The following CACNB4 variants were observed in gnomAD, a reference collection of about 807,000 sequenced individuals.
CACNB4 encodes voltage-dependent L-type calcium channel subunit beta-4.
Under a neutral mutation model 71.2 loss-of-function variants are expected in CACNB4, and 32 were observed. That is an observed-to-expected ratio of 0.45 (90% CI 0.34 to 0.60). The LOEUF (loss-of-function observed/expected upper bound fraction) is 0.60, where lower values mean the gene tolerates loss of function less well. CACNB4 is among the 20% of genes least tolerant of loss of function. The probability of loss-of-function intolerance (pLI) is 0.01; values close to 1 mark genes in which losing one functional copy is unlikely to be tolerated. For missense variants in CACNB4, 464 were observed against 647.9 expected (o/e 0.72, Z 3.08); for synonymous variants, 231 against 236.9 (o/e 0.97, Z 0.23).
In CACNB4 at chr2:152,098,850, C is replaced by T. The variant is rs1688435398; in HGVS notation, c.63+99G>A. 9.2e-7 allele frequency: 1 copy of T among 1,091,858 alleles called. No individual in the cohort carries two copies. The highest frequency in any genetic ancestry group is 1.3e-6 in the Non-Finnish European group (1 of 777,174). The allele number at this position is 1,091,858 out of a possible 1,614,324, so 67.6% of individuals were successfully genotyped here. ...GGGCCGCCGACTCCCGGGACTGGGGCCCCGCACGCCCGGCACGAAGGCGGG... is the reference window on the plus strand; with the variant it reads ...GGGCCGCCGACTCCCGGGACTGGGGTCCCGCACGCCCGGCACGAAGGCGGG... On this transcript the variant is annotated intron_variant, in intron 1 of 13. Coordinates refer to ENST00000539935, the MANE Select transcript of CACNB4 (RefSeq NM_000726.5). This position sits in a 1 kb window ranked among gnomAD's most constrained non-coding sequence, Gnocchi z 5.3.
intron 2 of CACNB4, among the ~76,000 whole-genome samples, chr2:152,050,582 G>A (rs761593938): frequency 5.9e-5 from 9 of 152,228 alleles, no homozygotes; most frequent in South Asian, 2.1e-4. Flanking sequence ...CCAGTGCAGC[G>A]GCTCACACCT....
At chr2:151,970,890 C>G (rs905544451) in intron 2 of CACNB4, 4 of 152,330 alleles carry the variant, frequency 2.6e-5, no homozygotes, top group African/African-American at 9.7e-5. Flanking sequence ...TAACTACCCT[C>G]CTGGACACCA....
At chr2:152,069,607 A>G (rs1263237277) in intron 2 of CACNB4, among the ~76,000 whole-genome samples, 2 of 151,724 alleles carry the variant, frequency 1.3e-5, no homozygotes, top group African/African-American at 4.8e-5. Context: ...CAAAGTAAAT[A>G]AATATAGAGA....
chr2:151,959,796 T>C (rs1220776281), intron 2 of CACNB4, among the ~76,000 whole-genome samples: 3 of 152,232 alleles, frequency 2.0e-5, no homozygotes, highest in Admixed American at 6.5e-5. Context: ...CAATATCATA[T>C]TTATCAACAT....
intron 2 of CACNB4, among the ~76,000 whole-genome samples, chr2:152,038,181 A>T (rs905435891): frequency 6.6e-6 from 1 of 152,216 alleles, no homozygotes; most frequent in Non-Finnish European, 1.5e-5. Context: ...TCAAAGCATC[A>T]AGGATGCTGG....
In CACNB4 at chr2:151,834,900, T is replaced by A. The variant is rs1035528454; in HGVS notation, c.*4219A>T. 4 of 151,892 alleles carry A rather than the reference T, an allele frequency of 2.6e-5. No homozygotes were observed. The highest frequency in any genetic ancestry group is 9.7e-5 in the African/African-American group (4 of 41,412). 9.4% of individuals were successfully genotyped at this position (151,892 alleles called of 1,614,324 possible). On this transcript the variant is annotated 3_prime_UTR_variant, in exon 14 of 14. Transcript: ENST00000539935. ...CATTCAAGGATGAGTTTTATATAATTTAAAAAAACACAACATGCAACATTG... is the reference window on the plus strand; with the variant it reads ...CATTCAAGGATGAGTTTTATATAATATAAAAAAACACAACATGCAACATTG...
At chr2:151,956,285 GAAACAGCCCAA>G (rs1290870555) in intron 2 of CACNB4, among the ~76,000 whole-genome samples, 32 of 152,314 alleles carry the variant, frequency 2.1e-4, no homozygotes, top group African/African-American at 7.5e-4. Context: ...CCACAAAGTG[GAAACAGCCCAA>G]ATGTCCATCA....
At chr2:151,895,096 CCACA>C (rs58504924) in intron 2 of CACNB4, among the ~76,000 whole-genome samples, 4,269 of 22,138 alleles carry the variant, frequency 0.19, 321 homozygotes, top group African/African-American at 0.25. Context: ...TCAAATAGCC[CCACA>C]CACACACACA....
Position 151,900,718 on chromosome 2 carries a change from T to G in CACNB4, c.148-17348A>C, listed in dbSNP as rs193183207. On this transcript the variant is annotated intron_variant, in intron 2 of 13. Coordinates refer to ENST00000539935, the MANE Select transcript of CACNB4 (RefSeq NM_000726.5). ...CACTGGGAAGATCTGCCTGAAAGTG[T>G]GAAAAACTGCAGTCAGAGAGACTGA... Among the ~76,000 whole-genome samples, 26 of 152,108 alleles carry G rather than the reference T, an allele frequency of 1.7e-4. No homozygotes were observed. In the East Asian group the frequency reaches 4.5e-3, roughly 26 times the overall value.
chr2:152,092,817 A>G (rs141365288), intron 2 of CACNB4, among the ~76,000 whole-genome samples: 58 of 151,796 alleles, frequency 3.8e-4, no homozygotes, highest in African/African-American at 1.3e-3. Context: ...AACCATATAT[A>G]CATTTACATA....
In CACNB4 at chr2:152,005,186, A is replaced by C. The variant is rs549422879; in HGVS notation, c.147+93144T>G. On this transcript the variant is annotated intron_variant, in intron 2 of 13. Coordinates refer to ENST00000539935, the MANE Select transcript of CACNB4 (RefSeq NM_000726.5). Reference sequence around the variant, plus strand: ...CCATTACTGGGTATCTACTCAAAGGAGAATGAATCTTTCTGCCATAAAGAC... The same window carrying C: ...CCATTACTGGGTATCTACTCAAAGGCGAATGAATCTTTCTGCCATAAAGAC... Among the ~76,000 whole-genome samples, 4 of 152,326 alleles carry C rather than the reference A, an allele frequency of 2.6e-5. No homozygotes were observed. The South Asian group carries it at 6.2e-4, about 24-fold the overall frequency.
At position 151,949,669 on chromosome 2, in the gene CACNB4, G is replaced by C. The variant is rs113675596; in HGVS notation, c.148-66299C>G. Among the ~76,000 whole-genome samples, 21 of 152,252 alleles carry C rather than the reference G, an allele frequency of 1.4e-4. 1 individual carries two copies. Among genetic ancestry groups the C allele is most frequent in the South Asian group, 8.3e-4 (4 of 4,824 alleles). On this transcript the variant is annotated intron_variant, in intron 2 of 13. Transcript: ENST00000539935. ...CAAGGTCCTGATGTGCCAAGGAAAG[G>C]CATCTGCAATGGGTTCTGAAGGCCA...
At position 151,876,301 on chromosome 2, in the gene CACNB4, T is replaced by A. The variant is rs953583342; in HGVS notation, c.521+125A>T. The A allele has an allele frequency of 1.3e-5, 9 of 707,718 alleles. No individual in the cohort carries two copies. The East Asian group carries it at 2.8e-4, about 22-fold the overall frequency. The allele number at this position is 707,718 out of a possible 1,614,324, so 43.8% of individuals were successfully genotyped here. ...AGGATAGAGAACTATCTGAAACTCT[T>A]CTGTGTCAGTTTCAGAAACACTTTG... On this transcript the variant is annotated intron_variant, in intron 5 of 13. Transcript: ENST00000539935.
chr2:152,039,430 G>A (rs199595535), intron 2 of CACNB4, among the ~76,000 whole-genome samples: 8 of 136,124 alleles, frequency 5.9e-5, no homozygotes, highest in Non-Finnish European at 1.1e-4. Context: ...AAAAAAAAAA[G>A]AATCTTACTA....
chr2:151,859,369 T>C (rs1241327611), intron 10 of CACNB4: 2 of 152,206 alleles, frequency 1.3e-5, no homozygotes, highest in African/African-American at 4.8e-5. Context: ...AGCTTTTAAT[T>C]ATCTTTTAGC....
chr2:152,047,927 C>A (rs186349257), intron 2 of CACNB4, among the ~76,000 whole-genome samples: 39 of 152,210 alleles, frequency 2.6e-4, no homozygotes, highest in Admixed American at 8.5e-4. Flanking sequence ...AACAAAACAT[C>A]TCTTGCTTGT....
At chr2:151,864,506 C>A (rs1292315619) in intron 9 of CACNB4, among the ~76,000 whole-genome samples, 7 of 152,176 alleles carry the variant, frequency 4.6e-5, no homozygotes, top group Non-Finnish European at 8.8e-5. Context: ...TATATTCTAT[C>A]CTTGCTACAT....
chr2:152,077,790 C>T (rs1164473503), intron 2 of CACNB4, among the ~76,000 whole-genome samples: 11 of 151,988 alleles, frequency 7.2e-5, no homozygotes, highest in East Asian at 3.9e-4. Context: ...AGCTGAAACA[C>T]GAAGATGAAG....
chr2:151,964,087 A>AAAAT lies in CACNB4; in HGVS notation c.148-80718_148-80717insATTT, dbSNP rs1291914342. ...TCTCACAGAAAAAAAAAAAAAAAAA[A>AAAAT]AAAGAATGTTAACTGTAGCATTTAA... On this transcript the variant is annotated intron_variant, in intron 2 of 13. Transcript: ENST00000539935. Among the ~76,000 whole-genome samples the AAAAT allele has an allele frequency of 5.7e-4, 86 of 151,100 alleles. 1 individual carries two copies. Among genetic ancestry groups the AAAAT allele is most frequent in the African/African-American group, 1.5e-3 (63 of 40,938 alleles).
Sources: gnomAD v4.1 joint callset for allele counts (sites outside exome capture counted in the v4.1 genomes callset) on GRCh38, gnomAD v4.1.1 for gene constraint, Gnocchi (gnomAD v3.1) non-coding constraint, MANE v1.5 for transcripts, NCBI Gene and HGNC (gene_info 2026-07-23, HGNC 2026-07-21) for gene names.